The following CFAP61 variants were observed in gnomAD, a reference collection of about 807,000 sequenced individuals.
The protein encoded by CFAP61 is cilia- and flagella-associated protein 61.
CFAP61 carries 107 observed loss-of-function variants against 135.6 expected under a neutral mutation model. The ratio of observed to expected loss-of-function variants is 0.79; its 90% CI spans 0.67 to 0.93. The LOEUF (loss-of-function observed/expected upper bound fraction) is 0.93. CFAP61 is among the 40% of genes least tolerant of loss of function. CFAP61 has a pLI of 0.00. For missense variants in CFAP61, 1,507 were observed against 1,556.2 expected, an observed-to-expected ratio of 0.97 and a Z score of 0.53; for synonymous variants, 575 against 578.5, an observed-to-expected ratio of 0.99 and a Z score of 0.09.
At chr20:20,290,067 A>G (rs1393334538) in intron 23 of CFAP61, among the ~76,000 whole-genome samples, 3 of 152,326 alleles carry the variant, frequency 2.0e-5, no homozygotes, top group Non-Finnish European at 2.9e-5. Context: ...GGCTTGGCAC[A>G]TCCTGGAGCA....
At chr20:20,309,293 C>T (rs570686008) in intron 25 of CFAP61, among the ~76,000 whole-genome samples, 15 of 152,126 alleles carry the variant, frequency 9.9e-5, no homozygotes, top group Admixed American at 4.6e-4. Flanking sequence ...TTTCAAAAGC[C>T]GAGTAGAATA....
chr20:20,083,139 C>T (rs1379570030), intron 6 of CFAP61, among the ~76,000 whole-genome samples: 1 of 152,200 alleles, frequency 6.6e-6, no homozygotes, highest in Non-Finnish European at 1.5e-5. Flanking sequence ...GATATTCATA[C>T]ACCGTGGAAT....
At chr20:20,066,383 C>T (rs2045264869) in intron 2 of CFAP61, among the ~76,000 whole-genome samples, 1 of 152,168 alleles carries the variant, frequency 6.6e-6, no homozygotes, top group African/African-American at 2.4e-5. Context: ...CACACGTATG[C>T]TTATTGCAGC....
At chr20:20,245,354 C>T (rs556155943) in intron 18 of CFAP61, among the ~76,000 whole-genome samples, 15 of 152,300 alleles carry the variant, frequency 9.8e-5, no homozygotes, top group African/African-American at 3.1e-4. Flanking sequence ...GGAGGCCTCA[C>T]AATCATGGTG....
At chr20:20,095,436 T>G (rs1019843016) in intron 7 of CFAP61, among the ~76,000 whole-genome samples, 2 of 152,266 alleles carry the variant, frequency 1.3e-5, no homozygotes, top group Admixed American at 6.5e-5. Context: ...GCATGCAGCA[T>G]GCCTGAGGGC....
intron 26 of CFAP61, among the ~76,000 whole-genome samples, chr20:20,358,156 A>C (rs1382528051): frequency 7.9e-6 from 1 of 126,848 alleles, no homozygotes; most frequent in Non-Finnish European, 1.7e-5. Context: ...GGTCACACTG[A>C]GGGGAGGTGG....
chr20:20,237,777 C>G (rs1211501520), intron 18 of CFAP61, among the ~76,000 whole-genome samples: 3 of 152,266 alleles, frequency 2.0e-5, no homozygotes, highest in Admixed American at 6.5e-5. Flanking sequence ...GGATGCAAAC[C>G]AGGTCCAACT....
chr20:20,346,344 C>T (rs111238446), intron 26 of CFAP61, among the ~76,000 whole-genome samples: 38,821 of 149,680 alleles, frequency 0.26, 5,670 homozygotes, highest in Admixed American at 0.35. Context: ...TGGTGAAACC[C>T]TGTCTCTACT....
intron 17 of CFAP61, among the ~76,000 whole-genome samples, chr20:20,219,575 T>C (rs920626586): frequency 2.0e-5 from 3 of 152,188 alleles, no homozygotes; most frequent in African/African-American, 7.2e-5. Flanking sequence ...AAATTCTCTT[T>C]CCTTTAAGCA....
At chr20:20,354,770 G>T (rs1432419348) in intron 26 of CFAP61, among the ~76,000 whole-genome samples, 1 of 149,678 alleles carries the variant, frequency 6.7e-6, no homozygotes, top group Non-Finnish European at 1.5e-5. Flanking sequence ...AAGGGAGGTG[G>T]TCACGCTGAG....
intron 8 of CFAP61, among the ~76,000 whole-genome samples, chr20:20,125,664 G>A (rs1160037183): frequency 1.3e-5 from 2 of 151,792 alleles, no homozygotes; most frequent in African/African-American, 4.9e-5. Context: ...AAAGGTCCAT[G>A]TGCTATTGAA....
intron 26 of CFAP61, among the ~76,000 whole-genome samples, chr20:20,345,642 C>T (rs966301903): frequency 6.6e-6 from 1 of 151,994 alleles, no homozygotes; most frequent in Non-Finnish European, 1.5e-5. Context: ...TAACATGGGC[C>T]GGGTGCAGTG....
chr20:20,112,779 T>A (rs1221252712), intron 8 of CFAP61, among the ~76,000 whole-genome samples: 1 of 152,220 alleles, frequency 6.6e-6, no homozygotes, highest in Non-Finnish European at 1.5e-5. Context: ...CACTTCACAT[T>A]TAAAGCCATG....
intron 22 of CFAP61, among the ~76,000 whole-genome samples, chr20:20,286,271 C>T (rs1228191218): frequency 6.6e-6 from 1 of 152,240 alleles, no homozygotes; most frequent in African/African-American, 2.4e-5. Context: ...ATAGTGGCGC[C>T]TCCTGGGCTC....
chr20:20,078,851 T>G (rs931767379), intron 6 of CFAP61, among the ~76,000 whole-genome samples: 1 of 152,100 alleles, frequency 6.6e-6, no homozygotes, highest in African/African-American at 2.4e-5. Flanking sequence ...AACTGATACT[T>G]CCAGCCAAAC....
At chr20:20,229,421 T>A (rs2048969584) in intron 18 of CFAP61, among the ~76,000 whole-genome samples, 1 of 152,218 alleles carries the variant, frequency 6.6e-6, no homozygotes, top group South Asian at 2.1e-4. Flanking sequence ...TTTTTCCAAA[T>A]CTTTTGCTCA....
chr20:20,195,205 G>A (rs1453962540), intron 15 of CFAP61, among the ~76,000 whole-genome samples: 1 of 152,314 alleles, frequency 6.6e-6, no homozygotes, highest in East Asian at 1.9e-4. Flanking sequence ...TGGAAAGGCA[G>A]GGGACCTCGA....
chr20:20,296,302 CCTTCCTTCCTTCCCTCCTTCCTTCCCTT>C (rs1569260454), intron 24 of CFAP61, among the ~76,000 whole-genome samples: 2 of 85,724 alleles, frequency 2.3e-5, no homozygotes, highest in African/African-American at 6.0e-5. Flanking sequence ...TCCTTCCCTT[CCTTCCTTCCTTCCCTCCTTCCTTCCCTT>C]CCTTCCTTCC....
intron 12 of CFAP61, 45 bp from the exon 13 acceptor site, chr20:20,169,276 A>ATT: frequency 6.5e-7 from 1 of 1,543,772 alleles, no homozygotes; most frequent in East Asian, 2.3e-5. Context: ...TTTTTGATTA[A>ATT]TTTTTTTTAT....
Sources: gnomAD v4.1 joint callset for allele counts (sites outside exome capture counted in the v4.1 genomes callset) on GRCh38, gnomAD v4.1.1 for gene constraint, MANE v1.5 for transcripts, NCBI Gene and HGNC (gene_info 2026-07-23, HGNC 2026-07-21) for gene names.